The following DAB1 variants were observed in gnomAD, a reference collection of about 807,000 sequenced individuals.
The protein encoded by DAB1 is disabled homolog 1.
In DAB1, 15 loss-of-function variants were observed where a neutral mutation model predicts 64.6. That is an observed-to-expected ratio of 0.23 (90% CI 0.16 to 0.36). The LOEUF (loss-of-function observed/expected upper bound fraction) is 0.36, where lower values mean the gene tolerates loss of function less well. DAB1 is among the 10% of genes least tolerant of loss of function. The probability of loss-of-function intolerance (pLI) is 1.00; values close to 1 mark genes in which losing one functional copy is unlikely to be tolerated. For synonymous variants in DAB1, 235 were observed against 251.9 expected (o/e 0.93, Z 0.64); for missense variants, 596 against 706.7 (o/e 0.84, Z 1.78).
chr1:58,287,735 G>A (rs1331662341), intron 4 of DAB1, among the ~76,000 whole-genome samples: 1 of 152,074 alleles, frequency 6.6e-6, no homozygotes, highest in African/African-American at 2.4e-5. Flanking sequence ...AAAAGGAGTA[G>A]CAAAGTCCAG....
At chr1:58,076,933 A>G (rs1649689753) in intron 5 of DAB1, among the ~76,000 whole-genome samples, 3 of 152,218 alleles carry the variant, frequency 2.0e-5, no homozygotes, top group South Asian at 2.1e-4. Context: ...ATCTTCATCT[A>G]GGTAACTGCA....
intron 3 of DAB1, among the ~76,000 whole-genome samples, chr1:58,407,774 C>A (rs2100569335): frequency 6.6e-6 from 1 of 152,310 alleles, no homozygotes; most frequent in Admixed American, 6.5e-5. Context: ...CCCATCTTGT[C>A]CCCTGAAATC....
At chr1:57,695,293 AGAG>A (rs1646813233) in intron 6 of DAB1, among the ~76,000 whole-genome samples, 2 of 89,582 alleles carry the variant, frequency 2.2e-5, no homozygotes, top group Admixed American at 1.3e-4. Flanking sequence ...AGAAAGGGAG[AGAG>A]AAGGAAAGAA....
At chr1:57,357,902 G>A (rs1200641944) in intron 1 of DAB1, among the ~76,000 whole-genome samples, 1 of 151,922 alleles carries the variant, frequency 6.6e-6, no homozygotes. Context: ...AACACATGGG[G>A]ATTACGGGAA....
chr1:57,431,264 A>G (rs1251874658), intron 7 of DAB1, among the ~76,000 whole-genome samples: 1 of 152,208 alleles, frequency 6.6e-6, no homozygotes, highest in Non-Finnish European at 1.5e-5. Context: ...AAATTACAAA[A>G]TGTCTTATCT....
intron 5 of DAB1, among the ~76,000 whole-genome samples, chr1:58,126,385 G>C (rs930691504): frequency 6.6e-6 from 1 of 152,068 alleles, no homozygotes; most frequent in East Asian, 1.9e-4. Flanking sequence ...GCCTTCCAGA[G>C]CACTGAGAAA....
intron 7 of DAB1, among the ~76,000 whole-genome samples, chr1:57,453,521 C>T (rs967044313): frequency 1.3e-4 from 19 of 151,982 alleles, no homozygotes; most frequent in African/African-American, 3.1e-4. Context: ...GTAGGTTTGC[C>T]GATCTGAAGA....
At chr1:57,700,458 A>G (rs1049060270) in intron 6 of DAB1, among the ~76,000 whole-genome samples, 1 of 151,972 alleles carries the variant, frequency 6.6e-6, no homozygotes, top group Non-Finnish European at 1.5e-5. Context: ...TGTTCCTTTC[A>G]TCTTTTGCTG....
intron 3 of DAB1, among the ~76,000 whole-genome samples, chr1:58,457,144 A>G (rs1645199688): frequency 6.6e-6 from 1 of 152,188 alleles, no homozygotes; most frequent in South Asian, 2.1e-4. Context: ...AGGTCTCAGG[A>G]TTGGAAGTGA....
chr1:58,521,516 A>C (rs548194296), intron 2 of DAB1, among the ~76,000 whole-genome samples: 2 of 152,214 alleles, frequency 1.3e-5, no homozygotes, highest in South Asian at 2.1e-4. Context: ...AAGATTGATG[A>C]AAGTGATAAA....
intron 2 of DAB1, among the ~76,000 whole-genome samples, chr1:57,161,565 G>A (rs544287805): frequency 7.9e-5 from 12 of 152,290 alleles, no homozygotes; most frequent in African/African-American, 9.6e-5. Flanking sequence ...TGACAAAGTC[G>A]TATTAGCTGA....
At chr1:58,352,155 AC>A (rs1644064788) in intron 3 of DAB1, among the ~76,000 whole-genome samples, 1 of 151,824 alleles carries the variant, frequency 6.6e-6, no homozygotes, top group South Asian at 2.1e-4. Context: ...AGCACTTCCT[AC>A]AGTGCACATG....
chr1:58,126,276 C>A (rs1300913170), intron 5 of DAB1, among the ~76,000 whole-genome samples: 1 of 152,042 alleles, frequency 6.6e-6, no homozygotes, highest in Admixed American at 6.5e-5. Context: ...CACACCAGCC[C>A]CTCAATACTT....
intron 2 of DAB1, among the ~76,000 whole-genome samples, chr1:57,273,749 T>C (rs921686184): frequency 2.5e-4 from 38 of 151,496 alleles, no homozygotes; most frequent in African/African-American, 9.2e-4. Flanking sequence ...AGAATGTCTT[T>C]TCCTCCCCTG....
At chr1:57,496,645 C>T (rs1011079495) in intron 7 of DAB1, among the ~76,000 whole-genome samples, 1 of 152,154 alleles carries the variant, frequency 6.6e-6, no homozygotes, top group Non-Finnish European at 1.5e-5. Context: ...ATACTAGGAC[C>T]TTTAACCCAG....
intron 2 of DAB1, among the ~76,000 whole-genome samples, chr1:57,233,003 G>A (rs954819212): frequency 6.6e-6 from 1 of 152,124 alleles, no homozygotes; most frequent in Admixed American, 6.5e-5. Context: ...TTCATTGCAT[G>A]ATATGTTATT....
intron 4 of DAB1, among the ~76,000 whole-genome samples, chr1:57,119,387 C>A (rs953416101): frequency 6.6e-6 from 1 of 152,096 alleles, no homozygotes; most frequent in Admixed American, 6.6e-5. Flanking sequence ...GTCTTTCCCC[C>A]CTCCTCTTGA....
chr1:58,365,059 C>A (rs1158055886), intron 3 of DAB1, among the ~76,000 whole-genome samples: 2 of 152,176 alleles, frequency 1.3e-5, no homozygotes, highest in Non-Finnish European at 2.9e-5. Context: ...GCCCTCGTTG[C>A]GTAGAAGTTA....
At chr1:58,047,900 C>T (rs1315557834) in intron 5 of DAB1, 1 of 367,378 alleles carries the variant, frequency 2.7e-6, no homozygotes, top group Non-Finnish European at 5.1e-6. Context: ...CAATCAACAG[C>T]ATGGGTGCAA....
Sources: allele counts gnomAD v4.1 joint callset (sites outside exome capture counted in the v4.1 genomes callset), GRCh38; gene constraint gnomAD v4.1.1; transcripts MANE v1.5; gene names NCBI Gene and HGNC (gene_info 2026-07-23, HGNC 2026-07-21).